Variants in GLCE observed in about 807,000 individuals in gnomAD.
GLCE encodes the protein D-glucuronyl C5-epimerase.
In GLCE, 19 loss-of-function variants were observed where a neutral mutation model predicts 47.9. That is an observed-to-expected ratio of 0.40 (90% CI 0.28 to 0.58). The LOEUF (loss-of-function observed/expected upper bound fraction) is 0.58, where lower values mean the gene tolerates loss of function less well. Among genes scored for constraint, GLCE ranks in the 20% least tolerant of loss-of-function variants. The pLI is 0.48. For missense variants in GLCE, 556 were observed against 743.3 expected (o/e 0.75, Z 2.93); for synonymous variants, 245 against 263.4 (o/e 0.93, Z 0.68).
chr15:69,174,665 T>G (rs559444447), intron 1 of GLCE, among the ~76,000 whole-genome samples: 1 of 152,220 alleles, frequency 6.6e-6, no homozygotes, highest in South Asian at 2.1e-4. Context: ...CCAAAGATTA[T>G]TAACTTCTAA....
At chr15:69,257,601 TC>T (rs1429507446) in intron 3 of GLCE, among the ~76,000 whole-genome samples, 3 of 152,134 alleles carry the variant, frequency 2.0e-5, no homozygotes. Flanking sequence ...CACCTTAGCC[TC>T]CCAAAGTGCT....
At chr15:69,236,762 A>C (rs969595413) in intron 2 of GLCE, among the ~76,000 whole-genome samples, 14 of 152,370 alleles carry the variant, frequency 9.2e-5, no homozygotes, top group African/African-American at 3.4e-4. Flanking sequence ...ACCGTGATTC[A>C]GAGAAGTGAA....
chr15:69,242,234 C>A (rs576760273), intron 2 of GLCE, among the ~76,000 whole-genome samples: 1 of 152,208 alleles, frequency 6.6e-6, no homozygotes, highest in South Asian at 2.1e-4. Flanking sequence ...TCCCCATGCA[C>A]CTCTTTCTAG....
intron 1 of GLCE, among the ~76,000 whole-genome samples, chr15:69,207,205 T>C (rs956193399): frequency 6.6e-6 from 1 of 152,142 alleles, no homozygotes; most frequent in African/African-American, 2.4e-5. Context: ...GCCAGATTCA[T>C]TTGTCATGGA....
intron 1 of GLCE, among the ~76,000 whole-genome samples, chr15:69,183,868 T>A (rs943359591): frequency 6.6e-6 from 1 of 152,132 alleles, no homozygotes; most frequent in African/African-American, 2.4e-5. Flanking sequence ...GGAAAACACA[T>A]AACACTTGAG....
intron 2 of GLCE, among the ~76,000 whole-genome samples, chr15:69,241,502 A>T (rs1216968030): frequency 6.6e-6 from 1 of 152,232 alleles, no homozygotes; most frequent in East Asian, 1.9e-4. Flanking sequence ...AGAGTTAACT[A>T]AAGTCATTCT....
intron 2 of GLCE, among the ~76,000 whole-genome samples, chr15:69,220,705 C>A (rs2140388687): frequency 6.6e-6 from 1 of 152,172 alleles, no homozygotes; most frequent in African/African-American, 2.4e-5. Flanking sequence ...ACATAATTTG[C>A]AAATATTAGC....
intron 2 of GLCE, among the ~76,000 whole-genome samples, chr15:69,248,473 A>G (rs2052786768): frequency 6.6e-6 from 1 of 152,188 alleles, no homozygotes; most frequent in African/African-American, 2.4e-5. Flanking sequence ...GTCTGGTTCA[A>G]ATGTCTGTTT....
In GLCE at chr15:69,170,541, TAA is replaced by T. The variant is rs1225385550; in HGVS notation, c.-105+9785_-105+9786del. ...AAATGTGTGTATATGTATATGTTTG[TAA>T]GTGTATGTATATATATTTGTGTGTG... On this transcript the variant is annotated intron_variant, in intron 1 of 4. Transcript: ENST00000261858. 2.6e-5 allele frequency among the ~76,000 whole-genome samples: 4 copies of T among 152,338 alleles called. No individual in the cohort carries two copies. In the East Asian group the frequency reaches 7.7e-4, roughly 29 times the overall value.
chr15:69,230,957 GGCTCCCTTCTAAA>G (rs1295492364), intron 2 of GLCE, among the ~76,000 whole-genome samples: 2 of 152,084 alleles, frequency 1.3e-5, no homozygotes, highest in Non-Finnish European at 2.9e-5. Flanking sequence ...CTTGGCTCAT[GGCTCCCTTCTAAA>G]GAAGTAAAAA....
intron 1 of GLCE, among the ~76,000 whole-genome samples, chr15:69,174,683 A>G (rs1310650845): frequency 6.6e-6 from 1 of 152,186 alleles, no homozygotes; most frequent in Non-Finnish European, 1.5e-5. Context: ...TAAATGATTC[A>G]GTTGTTTAAA....
At chr15:69,194,569 G>A (rs575650083) in intron 1 of GLCE, 3 of 152,208 alleles carry the variant, frequency 2.0e-5, no homozygotes, top group East Asian at 1.9e-4. Flanking sequence ...AGATTACCAG[G>A]ATTTTTCAGA....
chr15:69,245,579 G>T (rs1392536615), intron 2 of GLCE, among the ~76,000 whole-genome samples: 2 of 152,062 alleles, frequency 1.3e-5, no homozygotes, highest in African/African-American at 2.4e-5. Flanking sequence ...TTTCATGAAA[G>T]ATTTATCTGT....
chr15:69,217,358 C>T (rs553573807), intron 2 of GLCE, among the ~76,000 whole-genome samples: 1 of 151,404 alleles, frequency 6.6e-6, no homozygotes, highest in African/African-American at 2.4e-5. Flanking sequence ...ATAAGACCAA[C>T]TGTTTTCCAA....
In GLCE at chr15:69,163,585, T is replaced by C. The variant is rs372188041; in HGVS notation, c.-105+2828T>C. Among the ~76,000 whole-genome samples, 11 of 152,334 alleles carry C rather than the reference T, an allele frequency of 7.2e-5. No individual in the cohort carries two copies. In the East Asian group the frequency reaches 1.3e-3, roughly 19 times the overall value. ...TAGAGTTTTAGGTGTTAAATGTATG[T>C]TGACTCTTTGTAGATGATTGTGCTA... is the stretch of plus-strand genomic sequence containing the variant. On this transcript the variant is annotated intron_variant, in intron 1 of 4. Transcript: ENST00000261858.
chr15:69,205,260 T>A (rs2140368391), intron 1 of GLCE, among the ~76,000 whole-genome samples: 1 of 152,224 alleles, frequency 6.6e-6, no homozygotes, highest in East Asian at 1.9e-4. Flanking sequence ...CATTTAAGAC[T>A]GTTACATATC....
intron 2 of GLCE, among the ~76,000 whole-genome samples, chr15:69,231,168 A>C (rs1014916579): frequency 1.3e-5 from 2 of 152,188 alleles, no homozygotes; most frequent in African/African-American, 4.8e-5. Flanking sequence ...ATGGGTAAGC[A>C]GGGGTGAGAC....
At chr15:69,243,466 CA>C (rs894219423) in intron 2 of GLCE, among the ~76,000 whole-genome samples, 1 of 151,088 alleles carries the variant, frequency 6.6e-6, no homozygotes, top group Non-Finnish European at 1.5e-5. Flanking sequence ...TGGCTCGGCT[CA>C]GTGGCTCACA....
At position 69,187,691 on chromosome 15, in the gene GLCE, A is replaced by G. The variant is rs568586518; in HGVS notation, c.-104-22625A>G. Among the ~76,000 whole-genome samples, 442 of 152,304 alleles carry G rather than the reference A, an allele frequency of 2.9e-3. 9 individuals carry two copies. Among genetic ancestry groups the G allele is most frequent in the Non-Finnish European group, 9.1e-4 (62 of 68,024 alleles). ...GTACTACATTAAGGAATAGAAGCCT[A>G]TATAAAAGGTTTTCGTTTGGTTTTG... On this transcript the variant is annotated intron_variant, in intron 1 of 4. Coordinates refer to ENST00000261858, the MANE Select transcript of GLCE (RefSeq NM_015554.3).
Sources: allele counts gnomAD v4.1 joint callset (sites outside exome capture counted in the v4.1 genomes callset), GRCh38; gene constraint gnomAD v4.1.1; transcripts MANE v1.5; gene names NCBI Gene and HGNC (gene_info 2026-07-23, HGNC 2026-07-21).